Variants in RGS7BP observed in about 807,000 individuals in gnomAD.
The protein encoded by RGS7BP is regulator of G protein signaling 7-binding protein.
A neutral mutation model predicts 31.3 loss-of-function variants in RGS7BP; 9 were observed. The ratio of observed to expected loss-of-function variants is 0.29; its 90% CI spans 0.17 to 0.50. RGS7BP has a LOEUF of 0.50. Ranked by LOEUF, RGS7BP falls within the 20% of genes least tolerant of loss-of-function variation. The pLI is 0.98. For missense variants in RGS7BP, 274 were observed against 322.0 expected, an observed-to-expected ratio of 0.85 and a Z score of 1.14; for synonymous variants, 115 against 120.1, an observed-to-expected ratio of 0.96 and a Z score of 0.28.
At chr5:64,537,751 C>T (rs115771470) in intron 2 of RGS7BP, among the ~76,000 whole-genome samples, 1,871 of 152,300 alleles carry the variant, frequency 0.012, 46 homozygotes, top group African/African-American at 0.042. Context: ...AGACTCTTGA[C>T]TTTCATTGAT....
chr5:64,609,407 T>C lies in RGS7BP; in HGVS notation c.*155T>C. ...TGCCTCCCCCTGCCCTTTTAAATGA[T>C]TTTACACTTGAAAGCAGCTGCCGTC... On this transcript the variant is annotated 3_prime_UTR_variant, in exon 6 of 6. Transcript: ENST00000334025. 1 of 571,672 alleles carries C rather than the reference T, an allele frequency of 1.7e-6. No individual in the cohort carries two copies. Among genetic ancestry groups the C allele is most frequent in the Non-Finnish European group, 3.1e-6 (1 of 317,562 alleles). The allele number at this position is 571,672 out of a possible 1,614,324, so 35.4% of individuals were successfully genotyped here.
rs1347869341 is a variant in RGS7BP, at chr5:64,506,770, C to A, written c.146C>A (p.Ala49Asp). 6.3e-7 allele frequency: 1 copy of A among 1,592,786 alleles called. No individual in the cohort carries two copies. Among genetic ancestry groups the A allele is most frequent in the East Asian group, 2.3e-5 (1 of 44,316 alleles). ...GSESAHKTQR[A>D]LDDCKMLVQE... The stretch of plus-strand genomic sequence containing the variant: ...GAGAGCGCCCACAAAACCCAACGAG[C>A]CCTGGACGACTGCAAGATGGTGGGT... Residue 49 changes from alanine to aspartate, a missense_variant, in exon 1 of 6, where the codon GCC becomes GAC. Ala to Asp is a moderately radical substitution (Grantham distance 126). Coordinates refer to ENST00000334025, the MANE Select transcript of RGS7BP (RefSeq NM_001029875.3). The surrounding 1 kb of genome is among the most constrained non-coding windows in gnomAD (Gnocchi z 4.6).
intron 2 of RGS7BP, among the ~76,000 whole-genome samples, chr5:64,530,246 C>G (rs1438665566): frequency 6.6e-6 from 1 of 152,108 alleles, no homozygotes; most frequent in Non-Finnish European, 1.5e-5. Flanking sequence ...ACATAGGGGC[C>G]TTTTAAAAAC....
At position 64,612,317 on chromosome 5, in the gene RGS7BP, C is replaced by G. The variant is rs545011287; in HGVS notation, c.*3065C>G. 6.6e-6 allele frequency: 1 copy of G among 151,938 alleles called. No individual in the cohort carries two copies. The highest frequency in any genetic ancestry group is 2.4e-5 in the African/African-American group (1 of 41,278). The allele number at this position is 151,938 out of a possible 1,614,324, so 9.4% of individuals were successfully genotyped here. ...TAAAAAAACAAACAAAAAAAACAAGCCAGAAAAAAAAAATTCTGTCCGCTA... is the reference window on the plus strand; with the variant it reads ...TAAAAAAACAAACAAAAAAAACAAGGCAGAAAAAAAAAATTCTGTCCGCTA... On this transcript the variant is annotated 3_prime_UTR_variant, in exon 6 of 6. Coordinates refer to ENST00000334025, the MANE Select transcript of RGS7BP (RefSeq NM_001029875.3).
In RGS7BP at chr5:64,506,058, C is replaced by T. The variant is rs1187931389; in HGVS notation, c.-567C>T. Reference sequence around the variant, plus strand: ...TCTGGGATCTTCAAACAGACAAGCCCTTAGAGACGAGGGATCAAGGCAGCC... The same window carrying T: ...TCTGGGATCTTCAAACAGACAAGCCTTTAGAGACGAGGGATCAAGGCAGCC... On this transcript the variant is annotated 5_prime_UTR_variant, in exon 1 of 6. Coordinates refer to ENST00000334025, the MANE Select transcript of RGS7BP (RefSeq NM_001029875.3). The surrounding 1 kb of genome is among the most constrained non-coding windows in gnomAD (Gnocchi z 4.6). Among the ~76,000 whole-genome samples, 1 of 152,128 alleles carries T rather than the reference C, an allele frequency of 6.6e-6. No homozygotes were observed. The highest frequency in any genetic ancestry group is 1.5e-5 in the Non-Finnish European group (1 of 68,030).
intron 2 of RGS7BP, among the ~76,000 whole-genome samples, chr5:64,547,563 C>T (rs1467893763): frequency 6.6e-6 from 1 of 152,142 alleles, no homozygotes; most frequent in Non-Finnish European, 1.5e-5. Context: ...ATATTAAAAA[C>T]ATGCAAACAT....
intron 3 of RGS7BP, among the ~76,000 whole-genome samples, chr5:64,583,876 A>G (rs1362074940): frequency 6.6e-6 from 1 of 152,248 alleles, no homozygotes; most frequent in African/African-American, 2.4e-5. Flanking sequence ...GTCAATGTAG[A>G]TGTTGGCTGA....
intron 2 of RGS7BP, among the ~76,000 whole-genome samples, chr5:64,536,466 T>C (rs1741361834): frequency 1.3e-5 from 2 of 152,222 alleles, no homozygotes; most frequent in Admixed American, 6.5e-5. Context: ...CAAATACCTT[T>C]AGTAACAGTA....
chr5:64,590,745 T>A (rs1008289574), intron 3 of RGS7BP, among the ~76,000 whole-genome samples: 2 of 151,500 alleles, frequency 1.3e-5, no homozygotes, highest in Non-Finnish European at 2.9e-5. Context: ...ACTAAAAACA[T>A]AATAATTAAA....
At chr5:64,546,412 T>G (rs562695643) in intron 2 of RGS7BP, among the ~76,000 whole-genome samples, 1 of 150,336 alleles carries the variant, frequency 6.7e-6, no homozygotes, top group African/African-American at 2.5e-5. Context: ...AAGCAAGGAG[T>G]AGAGAATTTC....
intron 5 of RGS7BP, among the ~76,000 whole-genome samples, chr5:64,607,664 G>T (rs553443270): frequency 6.6e-6 from 1 of 152,060 alleles, no homozygotes; most frequent in Non-Finnish European, 1.5e-5. Context: ...GATTATAAAT[G>T]CTTCTTATCG....
chr5:64,587,073 C>T (rs1276005630), intron 3 of RGS7BP, among the ~76,000 whole-genome samples: 1 of 152,088 alleles, frequency 6.6e-6, no homozygotes, highest in East Asian at 1.9e-4. Flanking sequence ...TCTCTGCATT[C>T]ATCAAATGGT....
At chr5:64,516,636 A>G (rs1159773217) in intron 2 of RGS7BP, among the ~76,000 whole-genome samples, 1 of 152,218 alleles carries the variant, frequency 6.6e-6, no homozygotes, top group African/African-American at 2.4e-5. Context: ...TATCAGAATC[A>G]TGTGGGTGGG....
intron 3 of RGS7BP, among the ~76,000 whole-genome samples, chr5:64,591,882 T>C (rs1019936957): frequency 6.6e-6 from 1 of 152,292 alleles, no homozygotes; most frequent in Admixed American, 6.5e-5. Flanking sequence ...TCTTTGGTAG[T>C]AGACTTATAG....
intron 2 of RGS7BP, among the ~76,000 whole-genome samples, chr5:64,552,843 T>C (rs897785362): frequency 2.0e-5 from 3 of 151,950 alleles, no homozygotes; most frequent in African/African-American, 7.2e-5. Flanking sequence ...TCCCAAGTAG[T>C]TGATTCTGTT....
At chr5:64,572,063 T>G (rs966402954) in intron 2 of RGS7BP, among the ~76,000 whole-genome samples, 2 of 152,158 alleles carry the variant, frequency 1.3e-5, no homozygotes, top group Admixed American at 1.3e-4. Context: ...AAACTCTGAT[T>G]AATTAGAGTG....
At chr5:64,533,168 T>C (rs922265626) in intron 2 of RGS7BP, among the ~76,000 whole-genome samples, 25 of 152,178 alleles carry the variant, frequency 1.6e-4, no homozygotes, top group Admixed American at 6.5e-4. Flanking sequence ...ATTTCTTCCC[T>C]CTTGAGTGGA....
chr5:64,578,454 C>T (rs1742494339), intron 3 of RGS7BP, among the ~76,000 whole-genome samples: 1 of 152,150 alleles, frequency 6.6e-6, no homozygotes, highest in South Asian at 2.1e-4. Flanking sequence ...CATGCAGATG[C>T]CTGGATCCTA....
chr5:64,552,881 G>A (rs1741829566), intron 2 of RGS7BP, among the ~76,000 whole-genome samples: 1 of 152,054 alleles, frequency 6.6e-6, no homozygotes, highest in South Asian at 2.1e-4. Flanking sequence ...AGTTGCAAAA[G>A]CCCAGATAAT....
Sources: gnomAD v4.1 joint callset for allele counts (sites outside exome capture counted in the v4.1 genomes callset) on GRCh38, gnomAD v4.1.1 for gene constraint, Gnocchi (gnomAD v3.1) non-coding constraint, MANE v1.5 for transcripts, NCBI Gene and HGNC (gene_info 2026-07-23, HGNC 2026-07-21) for gene names.